The following PPP6R2 variants were observed in gnomAD, a reference collection of about 807,000 sequenced individuals.
PPP6R2 encodes the protein serine/threonine-protein phosphatase 6 regulatory subunit 2.
In PPP6R2, 62 loss-of-function variants were observed where a neutral mutation model predicts 100.2. That is an observed-to-expected ratio of 0.62 (90% CI 0.50 to 0.76). The LOEUF is 0.76. Ranked by LOEUF, PPP6R2 falls within the 30% of genes least tolerant of loss-of-function variation. PPP6R2 has a pLI of 0.00. For missense variants in PPP6R2, 1,142 were observed against 1,276.3 expected (o/e 0.89, Z 1.60); for synonymous variants, 525 against 514.7 (o/e 1.02, Z -0.27).
At chr22:50,391,796 TA>T (rs1350507151) in intron 2 of PPP6R2, 1 of 152,014 alleles carries the variant, frequency 6.6e-6, no homozygotes, top group African/African-American at 2.4e-5. Flanking sequence ...CCAGTTGTTT[TA>T]AATTATACTA....
chr22:50,385,449 T>C (rs2054006738), intron 2 of PPP6R2, among the ~76,000 whole-genome samples: 1 of 151,828 alleles, frequency 6.6e-6, no homozygotes, highest in Non-Finnish European at 1.5e-5. Flanking sequence ...TCCACCTGCC[T>C]TGGCTTCCCA....
the PPP6R2 span, among the ~76,000 whole-genome samples, chr22:50,334,956 A>G: frequency 6.6e-6 from 1 of 151,310 alleles, no homozygotes; most frequent in African/African-American, 2.4e-5. Flanking sequence ...GTGTCAAAAA[A>G]CAAACAAACA....
At chr22:50,440,398 A>AGCCCCTG (rs1368200927) in intron 21 of PPP6R2, among the ~76,000 whole-genome samples, 1 of 152,184 alleles carries the variant, frequency 6.6e-6, no homozygotes, top group Non-Finnish European at 1.5e-5. Context: ...GCCTGATCAG[A>AGCCCCTG]GCCCCTGGCC....
intron 1 of PPP6R2, among the ~76,000 whole-genome samples, chr22:50,361,418 T>C (rs2047763068): frequency 6.6e-6 from 1 of 152,138 alleles, no homozygotes; most frequent in Non-Finnish European, 1.5e-5. Context: ...CCTGCTGCAT[T>C]AGGCTTTGAG....
At chr22:50,440,171 T>A in intron 21 of PPP6R2, 122 bp downstream of exon 21, 1 of 874,850 alleles carries the variant, frequency 1.1e-6, no homozygotes, top group Non-Finnish European at 1.7e-6. Context: ...GCTACGTCTC[T>A]GGTGACATTG....
upstream of PPP6R2, among the ~76,000 whole-genome samples, chr22:50,338,707 GGT>G (rs367581606): frequency 0.016 from 2,056 of 131,832 alleles, 25 homozygotes; most frequent in South Asian, 0.037. Context: ...GTGTGTGTAG[GGT>G]GTGTGGTGTG....
chr22:50,425,136 C>T (rs1023586797), intron 10 of PPP6R2, among the ~76,000 whole-genome samples: 3 of 152,202 alleles, frequency 2.0e-5, no homozygotes, highest in African/African-American at 7.2e-5. Flanking sequence ...AAACTCTCTC[C>T]GTTAAACACT....
chr22:50,334,366 C>G, the PPP6R2 span, among the ~76,000 whole-genome samples: 1 of 152,236 alleles, frequency 6.6e-6, no homozygotes, highest in Non-Finnish European at 1.5e-5. Context: ...CTCACCGTGT[C>G]CCTTCAGCTC....
intron 12 of PPP6R2, 75 bp from the exon 13 acceptor site, chr22:50,434,891 C>T: frequency 3.7e-6 from 5 of 1,353,934 alleles, no homozygotes; most frequent in East Asian, 2.4e-5. Context: ...AGGCCTCTGC[C>T]ACTTGGCTCT....
At chr22:50,432,581 T>C (rs2063362017) in intron 12 of PPP6R2, among the ~76,000 whole-genome samples, 1 of 152,128 alleles carries the variant, frequency 6.6e-6, no homozygotes, top group South Asian at 2.1e-4. Context: ...AGGCACCTGC[T>C]CTGGCCCCCG....
intron 4 of PPP6R2, among the ~76,000 whole-genome samples, chr22:50,411,581 C>G (rs2059744584): frequency 6.6e-6 from 1 of 152,040 alleles, no homozygotes; most frequent in South Asian, 2.1e-4. Flanking sequence ...TGGTGAAACC[C>G]TGTCTCTACT....
intron 5 of PPP6R2, 62 bp from the exon 6 acceptor site, chr22:50,416,030 A>G (rs2060481203): frequency 6.8e-7 from 1 of 1,467,736 alleles, no homozygotes; most frequent in Non-Finnish European, 9.5e-7. Context: ...CAAAGGGGAA[A>G]GGTTCCTGTT....
upstream of PPP6R2, among the ~76,000 whole-genome samples, chr22:50,340,692 C>T (rs375555382): frequency 6.6e-6 from 1 of 151,652 alleles, no homozygotes; most frequent in South Asian, 2.1e-4. Flanking sequence ...TCCCAGAGGC[C>T]ACTCCTAAGC....
At chr22:50,443,803 C>G in intron 22 of PPP6R2, 63 bp from the exon 23 acceptor site, 1 of 1,504,664 alleles carries the variant, frequency 6.6e-7, no homozygotes, top group South Asian at 1.3e-5. Context: ...GGTCCTTGGG[C>G]ATGAGGCGGG....
the PPP6R2 span, among the ~76,000 whole-genome samples, chr22:50,334,570 T>G: frequency 6.6e-6 from 1 of 152,344 alleles, no homozygotes; most frequent in South Asian, 2.1e-4. Flanking sequence ...GTTTCTTTGG[T>G]CTCTTGCCTT....
At chr22:50,331,594 T>A in the PPP6R2 span, among the ~76,000 whole-genome samples, 1 of 145,068 alleles carries the variant, frequency 6.9e-6, no homozygotes, top group Non-Finnish European at 1.5e-5. Flanking sequence ...TAAAAAAATG[T>A]TTATGCAGCT....
At chr22:50,348,130 AG>A (rs1601997954) in intron 1 of PPP6R2, among the ~76,000 whole-genome samples, 1 of 149,826 alleles carries the variant, frequency 6.7e-6, no homozygotes, top group East Asian at 1.9e-4. Flanking sequence ...GCTTATGGTA[AG>A]GGAGAGAGAG....
At chr22:50,387,175 C>G (rs1171148859) in intron 2 of PPP6R2, among the ~76,000 whole-genome samples, 2 of 152,172 alleles carry the variant, frequency 1.3e-5, no homozygotes, top group Non-Finnish European at 2.9e-5. Context: ...ATCCCCCTGC[C>G]TCAGGCTCCC....
At chr22:50,351,391 C>T (rs1462482073) in intron 1 of PPP6R2, among the ~76,000 whole-genome samples, 1 of 147,400 alleles carries the variant, frequency 6.8e-6, no homozygotes, top group Non-Finnish European at 1.5e-5. Context: ...GATAAATGAG[C>T]ATTCAATTTA....
Sources: allele counts gnomAD v4.1 joint callset (sites outside exome capture counted in the v4.1 genomes callset), GRCh38; gene constraint gnomAD v4.1.1; transcripts MANE v1.5; gene names NCBI Gene and HGNC (gene_info 2026-07-23, HGNC 2026-07-21).